TTC23L: variants seen among roughly 807,000 people sequenced by gnomAD.
The protein encoded by TTC23L is tetratricopeptide repeat protein 23-like.
A neutral mutation model predicts 48.1 loss-of-function variants in TTC23L; 42 were observed. The ratio of observed to expected loss-of-function variants is 0.87; its 90% CI spans 0.68 to 1.13. The LOEUF (loss-of-function observed/expected upper bound fraction) is 1.13. Among genes scored for constraint, TTC23L ranks in the 50% most tolerant of loss-of-function variants. The pLI is 0.00. For missense variants in TTC23L, 391 were observed against 421.0 expected (o/e 0.93, Z 0.62); for synonymous variants, 159 against 157.2 (o/e 1.01, Z -0.09).
At chr5:34,896,497 G>A (rs980169952) in intron 9 of TTC23L, among the ~76,000 whole-genome samples, 2 of 152,180 alleles carry the variant, frequency 1.3e-5, no homozygotes, top group African/African-American at 2.4e-5. Flanking sequence ...TTGAGTCTCA[G>A]TTTCTTCATC....
In TTC23L at chr5:34,891,202, T is replaced by C. The variant is rs532470517; in HGVS notation, c.1078-5568T>C. Among the ~76,000 whole-genome samples, 16 of 152,308 alleles carry C rather than the reference T, an allele frequency of 1.1e-4. No individual in the cohort carries two copies. The South Asian group carries it at 3.3e-3, about 32-fold the overall frequency. On this transcript the variant is annotated intron_variant, in intron 9 of 10. Transcript: ENST00000505624. The stretch of plus-strand genomic sequence containing the variant: ...AGAATGTTAAAATAAGAGGCTTCTT[T>C]GTATCACCGTATTATTGTTTTATAT...
intron 2 of TTC23L, among the ~76,000 whole-genome samples, chr5:34,841,174 T>G (rs1758638280): frequency 1.3e-5 from 2 of 152,248 alleles, no homozygotes; most frequent in Non-Finnish European, 2.9e-5. Flanking sequence ...TTAAGGAAAT[T>G]TTAAAAGTTT....
At chr5:34,915,288 G>A in the TTC23L span, 1 of 280,006 alleles carries the variant, frequency 3.6e-6, no homozygotes, top group South Asian at 5.2e-5. Flanking sequence ...CAACAAAACA[G>A]GCGATGGCGG....
At chr5:34,920,706 G>A in the TTC23L span, 2 of 152,298 alleles carry the variant, frequency 1.3e-5, no homozygotes, top group South Asian at 4.1e-4. Context: ...GAGCAGAGAC[G>A]TAGTGAAGGA....
chr5:34,908,813 C>T, the TTC23L span: 1 of 1,611,584 alleles, frequency 6.2e-7, no homozygotes, highest in South Asian at 1.1e-5. Flanking sequence ...AGTAATATTC[C>T]ACAAAACATA....
intron 9 of TTC23L, among the ~76,000 whole-genome samples, chr5:34,886,772 C>T (rs1762571156): frequency 6.6e-6 from 1 of 152,134 alleles, no homozygotes; most frequent in South Asian, 2.1e-4. Flanking sequence ...AGTTGAGTCC[C>T]TATCTGGACA....
At chr5:34,867,256 C>A in intron 7 of TTC23L, 187 bp downstream of exon 7, 1 of 643,802 alleles carries the variant, frequency 1.6e-6, no homozygotes, top group South Asian at 1.9e-5. Flanking sequence ...CCAGAGAACA[C>A]TGACTCAGGT....
chr5:34,866,352 A>G (rs1316339134), intron 6 of TTC23L, among the ~76,000 whole-genome samples: 2 of 152,158 alleles, frequency 1.3e-5, no homozygotes, highest in Non-Finnish European at 2.9e-5. Flanking sequence ...ATCTTCCCAT[A>G]TCTGTCTAAA....
intron 8 of TTC23L, among the ~76,000 whole-genome samples, chr5:34,877,699 C>T (rs1761954848): frequency 6.6e-6 from 1 of 152,128 alleles, no homozygotes; most frequent in Non-Finnish European, 1.5e-5. Flanking sequence ...GCTGGGATAA[C>T]AGGTGTGATC....
the TTC23L span, chr5:34,907,387 A>G: frequency 3.3e-5 from 5 of 152,194 alleles, 1 homozygote; most frequent in Admixed American, 2.0e-4. Context: ...TATCCTAAAG[A>G]ACTGTCTCAC....
In TTC23L at chr5:34,873,367, C is replaced by T. The variant is rs551754987; in HGVS notation, c.949+4354C>T. On this transcript the variant is annotated intron_variant, in intron 8 of 10. Transcript: ENST00000505624. ...TAGATAAAAAGAACAAATTGCAAAG[C>T]ATTTATTTTGAAAAAACTGCTGGAG... Among the ~76,000 whole-genome samples, 6 of 152,204 alleles carry T rather than the reference C, an allele frequency of 3.9e-5. No homozygotes were observed. The South Asian group carries it at 1.0e-3, about 26-fold the overall frequency.
At chr5:34,840,712 A>T in exon 2 of TTC23L, 1 of 1,613,992 alleles carries the variant, frequency 6.2e-7, no homozygotes, top group Non-Finnish European at 8.5e-7. Flanking sequence ...GTTAGCAATG[A>T]CATCGACTGG....
chr5:34,918,328 G>A, the TTC23L span: 45 of 1,129,792 alleles, frequency 4.0e-5, 2 homozygotes, highest in Middle Eastern at 2.0e-4. Flanking sequence ...TTCAGTATAA[G>A]ATTTTAAAAT....
chr5:34,913,422 G>T, the TTC23L span: 2 of 1,106,048 alleles, frequency 1.8e-6, no homozygotes, highest in South Asian at 2.0e-5. Flanking sequence ...GTATTTTTCT[G>T]ACCACTATGT....
intron 4 of TTC23L, among the ~76,000 whole-genome samples, chr5:34,859,259 G>A (rs1760379678): frequency 6.6e-6 from 1 of 152,178 alleles, no homozygotes; most frequent in Non-Finnish European, 1.5e-5. Context: ...AAAATGACCT[G>A]CTTGATCAAA....
chr5:34,859,869 A>T, intron 4 of TTC23L, among the ~76,000 whole-genome samples: 1 of 119,316 alleles, frequency 8.4e-6, no homozygotes, highest in Non-Finnish European at 1.6e-5. Flanking sequence ...TTTGAGACGG[A>T]ATCTCACTCT....
At chr5:34,917,129 C>A in the TTC23L span, among the ~76,000 whole-genome samples, 1 of 151,808 alleles carries the variant, frequency 6.6e-6, no homozygotes. Context: ...TGAGAGGGAA[C>A]ACTCCAAGGG....
chr5:34,854,768 T>C (rs746492176), intron 4 of TTC23L, among the ~76,000 whole-genome samples: 9 of 152,194 alleles, frequency 5.9e-5, no homozygotes, highest in Non-Finnish European at 1.0e-4. Flanking sequence ...AACTTGTATA[T>C]GTGAAATGCC....
chr5:34,864,619 G>C, intron 6 of TTC23L, 57 bp downstream of exon 6: 1 of 1,501,448 alleles, frequency 6.7e-7, no homozygotes, highest in Non-Finnish European at 8.9e-7. Context: ...GGAATTACAT[G>C]ATATAAGGGA....
Sources: gnomAD v4.1 joint callset for allele counts (sites outside exome capture counted in the v4.1 genomes callset) on GRCh38, gnomAD v4.1.1 for gene constraint, MANE v1.5 for transcripts, NCBI Gene and HGNC (gene_info 2026-07-23, HGNC 2026-07-21) for gene names.